MAPK10: variants seen among roughly 807,000 people sequenced by gnomAD.
MAPK10 encodes JNK3 alpha protein kinase.
A neutral mutation model predicts 59.3 loss-of-function variants in MAPK10; 25 were observed. The ratio of observed to expected loss-of-function variants is 0.42; its 90% CI spans 0.31 to 0.59. The LOEUF is 0.59. Among genes scored for constraint, MAPK10 ranks in the 20% least tolerant of loss-of-function variants. The pLI is 0.15. For missense variants in MAPK10, 351 were observed against 568.9 expected (o/e 0.62, Z 3.90); for synonymous variants, 190 against 200.5 (o/e 0.95, Z 0.44).
chr4:86,296,999 A>T (rs934701491), intron 2 of MAPK10, among the ~76,000 whole-genome samples: 7 of 152,130 alleles, frequency 4.6e-5, no homozygotes, highest in African/African-American at 1.7e-4. Flanking sequence ...GAAGGGTTAG[A>T]CGGGGACTGC....
chr4:86,553,819 T>G (rs1162357875), intron 1 of MAPK10, among the ~76,000 whole-genome samples: 1 of 152,206 alleles, frequency 6.6e-6, no homozygotes. Context: ...CATCTACCCC[T>G]TATTTTCCTT....
chr4:86,482,045 A>G (rs1281919504), intron 1 of MAPK10, among the ~76,000 whole-genome samples: 2 of 152,232 alleles, frequency 1.3e-5, no homozygotes, highest in East Asian at 3.8e-4. Context: ...CAAGAAATTT[A>G]TAATTGATTT....
rs35357476 is a variant in MAPK10 at position 86,191,553 on chromosome 4, C to CTTTTTTTTTT, written c.66+2773_66+2782dup. ...TCAGAGACTAGGATTACAACCCGTG[C>CTTTTTTTTTT]TTTTTTTTTTTTTTTTTTTTTTTTT... is the stretch of plus-strand genomic sequence containing the variant. On this transcript the variant is annotated intron_variant, in intron 3 of 13. Transcript: ENST00000641462. 5.9e-4 allele frequency: 18 copies of CTTTTTTTTTT among 30,404 alleles called. 1 individual carries two copies. The highest frequency in any genetic ancestry group is 1.9e-3 in the South Asian group (1 of 532). The allele number at this position is 30,404 out of a possible 1,614,324, so 1.9% of individuals were successfully genotyped here.
chr4:86,470,932 T>C (rs1223769351), intron 1 of MAPK10, among the ~76,000 whole-genome samples: 2 of 152,208 alleles, frequency 1.3e-5, no homozygotes, highest in African/African-American at 4.8e-5. Flanking sequence ...CAAATCCAGT[T>C]ATAAGTTTTA....
At chr4:86,018,090 C>T (rs1744307193) in intron 13 of MAPK10, among the ~76,000 whole-genome samples, 1 of 152,166 alleles carries the variant, frequency 6.6e-6, no homozygotes, top group African/African-American at 2.4e-5. Flanking sequence ...CTGGCTTATG[C>T]AGGAGACAAA....
intron 1 of MAPK10, among the ~76,000 whole-genome samples, chr4:86,554,628 C>T (rs181927640): frequency 2.0e-5 from 3 of 152,198 alleles, no homozygotes; most frequent in Admixed American, 6.5e-5. Flanking sequence ...CAGGCTCTTA[C>T]GATTTCTGTC....
chr4:86,569,473 C>T (rs1248972423), intron 1 of MAPK10, among the ~76,000 whole-genome samples: 1 of 151,954 alleles, frequency 6.6e-6, no homozygotes, highest in Non-Finnish European at 1.5e-5. Context: ...AAAATTAAAT[C>T]GTATTTTTAA....
intron 2 of MAPK10, among the ~76,000 whole-genome samples, chr4:86,322,331 AAC>A (rs1159344910): frequency 6.6e-6 from 1 of 152,210 alleles, no homozygotes; most frequent in Non-Finnish European, 1.5e-5. Flanking sequence ...AGCATTTTAG[AAC>A]ACAATCTAGT....
intron 1 of MAPK10, among the ~76,000 whole-genome samples, chr4:86,396,946 A>G (rs1205402499): frequency 6.6e-6 from 1 of 152,080 alleles, no homozygotes; most frequent in Non-Finnish European, 1.5e-5. Flanking sequence ...GTTTGAGTTA[A>G]GTGTACACAC....
At chr4:86,197,971 A>C (rs1205476093) in intron 2 of MAPK10, among the ~76,000 whole-genome samples, 1 of 152,172 alleles carries the variant, frequency 6.6e-6, no homozygotes, top group East Asian at 1.9e-4. Context: ...TGATTATGTC[A>C]AGGTAAGCAC....
At chr4:86,277,248 A>G (rs1563900061) in intron 2 of MAPK10, 1 of 151,956 alleles carries the variant, frequency 6.6e-6, no homozygotes, top group Non-Finnish European at 1.5e-5. Context: ...AAGTGCAAAA[A>G]GTGTCTACAA....
chr4:86,275,728 G>A (rs1456217047), intron 2 of MAPK10, among the ~76,000 whole-genome samples: 3 of 152,004 alleles, frequency 2.0e-5, no homozygotes, highest in Non-Finnish European at 4.4e-5. Flanking sequence ...AATAATATGT[G>A]TTCTAGTTTC....
At chr4:86,408,583 G>C (rs1000751693) in intron 1 of MAPK10, among the ~76,000 whole-genome samples, 2 of 152,090 alleles carry the variant, frequency 1.3e-5, no homozygotes, top group Non-Finnish European at 2.9e-5. Context: ...ACTTTTTAGT[G>C]ATTGCCATTC....
intron 2 of MAPK10, among the ~76,000 whole-genome samples, chr4:86,245,729 T>TA (rs2093042470): frequency 6.6e-6 from 1 of 152,082 alleles, no homozygotes; most frequent in Non-Finnish European, 1.5e-5. Flanking sequence ...CATGGGCCAG[T>TA]AAAAAAATAT....
intron 2 of MAPK10, among the ~76,000 whole-genome samples, chr4:86,274,048 T>C (rs914361184): frequency 1.3e-5 from 2 of 152,008 alleles, no homozygotes; most frequent in African/African-American, 2.4e-5. Flanking sequence ...TAATTATAAG[T>C]TAGAAAAGTA....
chr4:86,233,903 G>C (rs2091922559), intron 2 of MAPK10, among the ~76,000 whole-genome samples: 1 of 152,168 alleles, frequency 6.6e-6, no homozygotes, highest in African/African-American at 2.4e-5. Context: ...CCTTCCTTCT[G>C]AGTTGTGCAT....
chr4:86,051,485 A>G (rs2043525132), intron 11 of MAPK10, among the ~76,000 whole-genome samples: 2 of 152,272 alleles, frequency 1.3e-5, no homozygotes, highest in South Asian at 4.1e-4. Context: ...CAGCTCTGCA[A>G]CTTCCAGACT....
chr4:86,215,990 G>A (rs2087432514), intron 2 of MAPK10, among the ~76,000 whole-genome samples: 1 of 152,102 alleles, frequency 6.6e-6, no homozygotes, highest in Non-Finnish European at 1.5e-5. Flanking sequence ...AGAATGTGGA[G>A]AGATATGAAC....
upstream of MAPK10, among the ~76,000 whole-genome samples, chr4:86,455,863 C>A (rs1036089012): frequency 3.3e-5 from 5 of 152,134 alleles, no homozygotes; most frequent in African/African-American, 1.2e-4. Flanking sequence ...ACATTCTATT[C>A]AACAACACAT....
Sources: allele counts gnomAD v4.1 joint callset (sites outside exome capture counted in the v4.1 genomes callset), GRCh38; gene constraint gnomAD v4.1.1; transcripts MANE v1.5; gene names NCBI Gene and HGNC (gene_info 2026-07-23, HGNC 2026-07-21).